PIWIL2: variants seen among roughly 807,000 people sequenced by gnomAD.
PIWIL2 encodes piwi-like protein 2.
Under a neutral mutation model 116.5 loss-of-function variants are expected in PIWIL2, and 81 were observed. The ratio of observed to expected loss-of-function variants is 0.70; its 90% CI spans 0.58 to 0.84. The LOEUF (loss-of-function observed/expected upper bound fraction) is 0.84. PIWIL2 is among the 40% of genes least tolerant of loss of function. PIWIL2 has a pLI of 0.00. For synonymous variants in PIWIL2, 489 were observed against 429.5 expected (o/e 1.14, Z -1.71); for missense variants, 1,272 against 1,212.3 (o/e 1.05, Z -0.73).
chr8:22,287,276 T>C (rs142691427), intron 6 of PIWIL2, among the ~76,000 whole-genome samples: 6 of 152,314 alleles, frequency 3.9e-5, no homozygotes, highest in Non-Finnish European at 8.8e-5. Context: ...TGAAAGAATA[T>C]ACACTGACGT....
At chr8:22,288,349 T>A (rs1330589006) in intron 7 of PIWIL2, among the ~76,000 whole-genome samples, 193 bp from the exon 8 acceptor site, 1 of 152,008 alleles carries the variant, frequency 6.6e-6, no homozygotes, top group Non-Finnish European at 1.5e-5. Context: ...GGAATTCTCT[T>A]ACCAAATCAT....
chr8:22,340,335 G>T (rs1428863035), intron 20 of PIWIL2, among the ~76,000 whole-genome samples: 2 of 152,174 alleles, frequency 1.3e-5, no homozygotes, highest in Non-Finnish European at 2.9e-5. Flanking sequence ...GGAATTACAG[G>T]CGTGAGCCAC....
At chr8:22,298,255 C>T (rs1586552697) in intron 10 of PIWIL2, among the ~76,000 whole-genome samples, 1 of 150,820 alleles carries the variant, frequency 6.6e-6, no homozygotes, top group South Asian at 2.1e-4. Flanking sequence ...GAGTGAGACC[C>T]TATTTAAAAA....
chr8:22,334,861 C>A (rs1831943556), intron 20 of PIWIL2, among the ~76,000 whole-genome samples: 1 of 152,010 alleles, frequency 6.6e-6, no homozygotes, highest in Non-Finnish European at 1.5e-5. Flanking sequence ...TCGAGACCAG[C>A]CTGGCCAACA....
Position 22,355,730 on chromosome 8 carries a change from T to A in PIWIL2, c.*225T>A. 1 of 526,526 alleles carries A rather than the reference T, an allele frequency of 1.9e-6. No individual in the cohort carries two copies. Among genetic ancestry groups the A allele is most frequent in the Non-Finnish European group, 3.4e-6 (1 of 293,068 alleles). 32.6% of individuals were successfully genotyped at this position (526,526 alleles called of 1,614,324 possible). On this transcript the variant is annotated 3_prime_UTR_variant, in exon 23 of 23. Transcript: ENST00000356766. The stretch of plus-strand genomic sequence containing the variant: ...GCCTTGTTGCCTGTGTAGAGCAAGT[T>A]ACGGTGGTACTGCCACTCTGCAGGT...
At chr8:22,321,974 C>T (rs904680738) in intron 20 of PIWIL2, 1 of 985,062 alleles carries the variant, frequency 1.0e-6, no homozygotes, top group Non-Finnish European at 1.2e-6. Context: ...TCTCACTTGT[C>T]CTCTGGACTC....
intron 20 of PIWIL2, among the ~76,000 whole-genome samples, chr8:22,351,006 T>A (rs1230004174): frequency 6.6e-6 from 1 of 151,976 alleles, no homozygotes; most frequent in Non-Finnish European, 1.5e-5. Flanking sequence ...CCAGGCATGG[T>A]GGTGCACACC....
chr8:22,302,337 A>G (rs976624829), intron 10 of PIWIL2, among the ~76,000 whole-genome samples: 1 of 151,906 alleles, frequency 6.6e-6, no homozygotes, highest in Non-Finnish European at 1.5e-5. Flanking sequence ...GCGCACCCCC[A>G]CGCCCAGTTA....
At chr8:22,303,109 C>G (rs1013690091) in intron 10 of PIWIL2, among the ~76,000 whole-genome samples, 2 of 152,128 alleles carry the variant, frequency 1.3e-5, no homozygotes. Flanking sequence ...GTTACCAGAT[C>G]TAGGGAAGGA....
intron 20 of PIWIL2, among the ~76,000 whole-genome samples, chr8:22,349,419 GTATATA>G (rs71206515): frequency 6.7e-5 from 9 of 134,444 alleles, no homozygotes; most frequent in African/African-American, 1.1e-4. Context: ...ATGTGTGTGT[GTATATA>G]TATATATATA....
chr8:22,290,170 TG>T, intron 9 of PIWIL2, 62 bp from the exon 10 acceptor site: 2 of 962,892 alleles, frequency 2.1e-6, no homozygotes, highest in Non-Finnish European at 3.3e-6. Context: ...TTTGTTCACA[TG>T]GGGGCATGGA....
At chr8:22,345,171 A>G (rs982176053) in intron 20 of PIWIL2, among the ~76,000 whole-genome samples, 5 of 152,258 alleles carry the variant, frequency 3.3e-5, no homozygotes, top group Non-Finnish European at 7.3e-5. Flanking sequence ...CCAGGGCAAC[A>G]TAGACTCCAT....
chr8:22,292,016 G>C (rs1830778781), intron 10 of PIWIL2, among the ~76,000 whole-genome samples: 2 of 152,294 alleles, frequency 1.3e-5, no homozygotes, highest in Non-Finnish European at 1.5e-5. Flanking sequence ...ACGCTTGAAA[G>C]AGGTAAGAGG....
At chr8:22,331,457 T>G (rs1026603225) in intron 20 of PIWIL2, among the ~76,000 whole-genome samples, 2 of 151,994 alleles carry the variant, frequency 1.3e-5, no homozygotes, top group African/African-American at 4.8e-5. Flanking sequence ...ACTCCCTCTT[T>G]CAACAGAGCG....
chr8:22,303,261 A>G (rs1475105426), intron 10 of PIWIL2, among the ~76,000 whole-genome samples: 1 of 152,244 alleles, frequency 6.6e-6, no homozygotes, highest in African/African-American at 2.4e-5. Context: ...AGTAACAATG[A>G]AAATGGAGTA....
At chr8:22,290,384 G>A in intron 10 of PIWIL2, 38 bp downstream of exon 10, 1 of 1,236,292 alleles carries the variant, frequency 8.1e-7, no homozygotes. Context: ...ACATGCTGAT[G>A]ATTTTCTGAA....
At chr8:22,339,695 G>A (rs532148484) in intron 20 of PIWIL2, among the ~76,000 whole-genome samples, 2 of 152,264 alleles carry the variant, frequency 1.3e-5, no homozygotes, top group Non-Finnish European at 2.9e-5. Context: ...AAAAGACAAC[G>A]CATAGAATGG....
chr8:22,317,696 G>A (rs1029319097), intron 19 of PIWIL2, among the ~76,000 whole-genome samples: 1 of 151,514 alleles, frequency 6.6e-6, no homozygotes, highest in African/African-American at 2.4e-5. Context: ...GTCTCGCTCT[G>A]TCGCCCAGGC....
chr8:22,278,113 A>G (rs1471536169), intron 1 of PIWIL2, among the ~76,000 whole-genome samples: 1 of 152,012 alleles, frequency 6.6e-6, no homozygotes, highest in East Asian at 1.9e-4. Flanking sequence ...GGTTGCGGTG[A>G]GCCAAGATTG....
Sources: gnomAD v4.1 joint callset for allele counts (sites outside exome capture counted in the v4.1 genomes callset) on GRCh38, gnomAD v4.1.1 for gene constraint, MANE v1.5 for transcripts, NCBI Gene and HGNC (gene_info 2026-07-23, HGNC 2026-07-21) for gene names.